KCNQ5: variants seen among roughly 807,000 people sequenced by gnomAD.
The protein encoded by KCNQ5 is potassium voltage-gated channel subfamily KQT member 5.
A neutral mutation model predicts 98.2 loss-of-function variants in KCNQ5; 30 were observed. The observed-to-expected ratio is 0.31, with a 90% CI of 0.23 to 0.41. The LOEUF (loss-of-function observed/expected upper bound fraction) is 0.41. Ranked by LOEUF, KCNQ5 falls within the 10% of genes least tolerant of loss-of-function variation. KCNQ5 has a pLI of 1.00. For synonymous variants in KCNQ5, 458 were observed against 449.4 expected (o/e 1.02, Z -0.24); for missense variants, 835 against 1,182.5 (o/e 0.71, Z 4.31).
chr6:73,114,198 T>C (rs73753260), intron 7 of KCNQ5, among the ~76,000 whole-genome samples: 3,263 of 152,280 alleles, frequency 0.021, 112 homozygotes, highest in African/African-American at 0.072. Flanking sequence ...GAAATTTATA[T>C]TTCAGGATGT....
At chr6:72,946,835 T>C (rs1313570730) in intron 1 of KCNQ5, among the ~76,000 whole-genome samples, 1 of 152,188 alleles carries the variant, frequency 6.6e-6, no homozygotes, top group African/African-American at 2.4e-5. Flanking sequence ...TTACAACATA[T>C]GGGAGAGGAA....
At chr6:72,841,271 C>A (rs1232177446) in intron 1 of KCNQ5, among the ~76,000 whole-genome samples, 1 of 152,146 alleles carries the variant, frequency 6.6e-6, no homozygotes, top group Non-Finnish European at 1.5e-5. Context: ...TGAAGACAAG[C>A]TATGTGCCTC....
intron 1 of KCNQ5, among the ~76,000 whole-genome samples, chr6:72,811,903 G>GGCTATTTATAGGCTGCT (rs1775262284): frequency 6.6e-6 from 1 of 152,162 alleles, no homozygotes; most frequent in African/African-American, 2.4e-5. Context: ...GCTATTTATA[G>GGCTATTTATAGGCTGCT]GGTTATTTCT....
chr6:72,763,751 G>A (rs1772409239), intron 1 of KCNQ5, among the ~76,000 whole-genome samples: 1 of 151,902 alleles, frequency 6.6e-6, no homozygotes, highest in African/African-American at 2.4e-5. Flanking sequence ...GCCTAAAGAG[G>A]AAGACACATG....
chr6:72,768,608 TTAGA>T (rs1273788324), intron 1 of KCNQ5, among the ~76,000 whole-genome samples: 2 of 151,952 alleles, frequency 1.3e-5, no homozygotes, highest in Non-Finnish European at 2.9e-5. Flanking sequence ...CGGATGAAAC[TTAGA>T]TAGAGATGGG....
intron 1 of KCNQ5, among the ~76,000 whole-genome samples, chr6:72,635,653 C>T (rs2098923604): frequency 6.8e-6 from 1 of 147,340 alleles, no homozygotes; most frequent in South Asian, 2.2e-4. Context: ...ATTTTTCTTC[C>T]AGTTAAATTG....
At chr6:73,192,081 G>A (rs1191933279) in intron 12 of KCNQ5, among the ~76,000 whole-genome samples, 1 of 152,164 alleles carries the variant, frequency 6.6e-6, no homozygotes, top group Admixed American at 6.5e-5. Context: ...AACTGCTACA[G>A]AATTTATAGA....
At chr6:73,103,183 TA>T (rs1316842721) in intron 5 of KCNQ5, among the ~76,000 whole-genome samples, 15 of 152,158 alleles carry the variant, frequency 9.9e-5, no homozygotes, top group Non-Finnish European at 2.1e-4. Context: ...TTTTGTTGAG[TA>T]AAATAAGCCA....
chr6:73,191,992 G>T (rs1765607128), intron 12 of KCNQ5, among the ~76,000 whole-genome samples: 1 of 152,166 alleles, frequency 6.6e-6, no homozygotes, highest in African/African-American at 2.4e-5. Flanking sequence ...TGGTCATATT[G>T]CAATCTCTGC....
At chr6:72,623,343 A>G (rs928632875) in intron 1 of KCNQ5, among the ~76,000 whole-genome samples, 41 of 150,836 alleles carry the variant, frequency 2.7e-4, no homozygotes, top group African/African-American at 9.6e-4. Context: ...CGCCTCTGAC[A>G]GAGATCGGGC....
chr6:72,840,130 A>G (rs1270056217), intron 1 of KCNQ5, among the ~76,000 whole-genome samples: 1 of 152,148 alleles, frequency 6.6e-6, no homozygotes, highest in African/African-American at 2.4e-5. Flanking sequence ...TTGTGTATAT[A>G]TACCACATTT....
chr6:72,643,979 T>G (rs1398531128), intron 1 of KCNQ5, among the ~76,000 whole-genome samples: 1 of 151,880 alleles, frequency 6.6e-6, no homozygotes, highest in Non-Finnish European at 1.5e-5. Context: ...AAGAATGAGG[T>G]GGATATGTAT....
chr6:72,842,682 C>T (rs1776850394), intron 1 of KCNQ5, among the ~76,000 whole-genome samples: 1 of 152,228 alleles, frequency 6.6e-6, no homozygotes, highest in South Asian at 2.1e-4. Context: ...GCCATTCTAA[C>T]TGTCATGAGA....
chr6:72,851,396 A>G (rs1351374912), intron 1 of KCNQ5, among the ~76,000 whole-genome samples: 1 of 152,200 alleles, frequency 6.6e-6, no homozygotes, highest in Non-Finnish European at 1.5e-5. Context: ...GCTCATTTCC[A>G]GCTATTAATC....
intron 1 of KCNQ5, among the ~76,000 whole-genome samples, chr6:72,657,450 T>C (rs1211809460): frequency 6.6e-6 from 1 of 152,154 alleles, no homozygotes; most frequent in African/African-American, 2.4e-5. Context: ...AGTTGACAAA[T>C]AGATACTTTT....
intron 1 of KCNQ5, among the ~76,000 whole-genome samples, chr6:72,817,288 A>G (rs2150110131): frequency 6.6e-6 from 1 of 152,308 alleles, no homozygotes; most frequent in Admixed American, 6.5e-5. Flanking sequence ...GATAAGGCTA[A>G]ATTTATCCTA....
intron 5 of KCNQ5, among the ~76,000 whole-genome samples, chr6:73,078,237 C>T (rs72947196): frequency 0.011 from 1,654 of 151,852 alleles, 17 homozygotes; most frequent in Non-Finnish European, 0.019. Context: ...TCAATTGTTG[C>T]ATTGATTTTC....
rs1768783651 is a variant in KCNQ5 at position 72,986,453 on chromosome 6, T to A, written c.399-17455T>A. 4 of 480,344 alleles carry A rather than the reference T, an allele frequency of 8.3e-6. No individual in the cohort carries two copies. In the South Asian group the frequency reaches 2.0e-4, roughly 24 times the overall value. The allele number at this position is 480,344 out of a possible 1,614,324, so 29.8% of individuals were successfully genotyped here. ...AAGAACCAGAGACTCAATACTCAAT[T>A]TTAAACAATGATGATTACTTTGCCA... On this transcript the variant is annotated intron_variant, in intron 1 of 13. Transcript: ENST00000370398.
intron 1 of KCNQ5, among the ~76,000 whole-genome samples, chr6:72,631,220 A>G (rs899507692): frequency 1.3e-5 from 2 of 152,222 alleles, no homozygotes; most frequent in African/African-American, 4.8e-5. Context: ...AGCTTTGGAA[A>G]TGCTGAGCTT....
Sources: gnomAD v4.1 joint callset for allele counts (sites outside exome capture counted in the v4.1 genomes callset) on GRCh38, gnomAD v4.1.1 for gene constraint, MANE v1.5 for transcripts, NCBI Gene and HGNC (gene_info 2026-07-23, HGNC 2026-07-21) for gene names.